Variants in CCDC6 observed in about 807,000 individuals in gnomAD.
CCDC6 encodes coiled-coil domain-containing protein 6.
In CCDC6, 20 loss-of-function variants were observed where a neutral mutation model predicts 56.6. The ratio of observed to expected loss-of-function variants is 0.35; its 90% CI spans 0.25 to 0.51. The LOEUF is 0.51. Among genes scored for constraint, CCDC6 ranks in the 20% least tolerant of loss-of-function variants. CCDC6 has a pLI of 0.95. For synonymous variants in CCDC6, 241 were observed against 234.4 expected, an observed-to-expected ratio of 1.03 and a Z score of -0.26; for missense variants, 367 against 601.1, an observed-to-expected ratio of 0.61 and a Z score of 4.07.
At chr10:59,874,355 A>C (rs1404812262) in intron 1 of CCDC6, among the ~76,000 whole-genome samples, 1 of 152,200 alleles carries the variant, frequency 6.6e-6, no homozygotes, top group African/African-American at 2.4e-5. Flanking sequence ...CATTTTTATC[A>C]AACATATTAA....
chr10:59,817,567 G>A (rs150295161), intron 3 of CCDC6, among the ~76,000 whole-genome samples: 2 of 152,284 alleles, frequency 1.3e-5, no homozygotes, highest in East Asian at 3.9e-4. Flanking sequence ...ATAGGAGGTA[G>A]AGGTAGTTGA....
chr10:59,799,672 A>G (rs2070556272), intron 7 of CCDC6, among the ~76,000 whole-genome samples: 1 of 152,116 alleles, frequency 6.6e-6, no homozygotes, highest in East Asian at 1.9e-4. Context: ...CTAGCCTGAG[A>G]ATGTCTTCTC....
chr10:59,893,855 T>C (rs1456800930), intron 1 of CCDC6, among the ~76,000 whole-genome samples: 2 of 152,164 alleles, frequency 1.3e-5, no homozygotes, highest in East Asian at 1.9e-4. Context: ...GGTCTTTACA[T>C]GGCAGTCACC....
In CCDC6 at chr10:59,854,221, G is replaced by T. The variant is rs989451928; in HGVS notation, c.304-1519C>A. Among the ~76,000 whole-genome samples the T allele has an allele frequency of 2.0e-5, 3 of 152,152 alleles. No individual in the cohort carries two copies. In the East Asian group the frequency reaches 5.8e-4, roughly 30 times the overall value. ...AATCAATCCCAACTCTGGCAGTTTC[G>T]ATTTCTGTATATACTCACCAGCTTC... is the stretch of plus-strand genomic sequence containing the variant. On this transcript the variant is annotated intron_variant, in intron 1 of 8. Transcript: ENST00000263102.
At chr10:59,819,269 T>C (rs1351885919) in intron 3 of CCDC6, among the ~76,000 whole-genome samples, 1 of 152,244 alleles carries the variant, frequency 6.6e-6, no homozygotes, top group Admixed American at 6.5e-5. Flanking sequence ...GAGGACTTAC[T>C]GTATTTCATT....
chr10:59,820,924 C>G (rs763145172), intron 3 of CCDC6, among the ~76,000 whole-genome samples: 2 of 148,446 alleles, frequency 1.3e-5, no homozygotes, highest in Non-Finnish European at 3.0e-5. Context: ...GGATTTAACA[C>G]AACAACTTCC....
At chr10:59,891,716 A>C (rs981329426) in intron 1 of CCDC6, among the ~76,000 whole-genome samples, 1 of 152,198 alleles carries the variant, frequency 6.6e-6, no homozygotes, top group African/African-American at 2.4e-5. Context: ...AGGCCCCACA[A>C]CTCTGATGGA....
Position 59,807,026 on chromosome 10 carries a change from C to G in CCDC6, c.900G>C (p.Glu300Asp). ...YLEEERHMREENLRLQRKLQR... is the reference protein window; with the variant it reads ...YLEEERHMREDNLRLQRKLQR... ...GCAGCTTCCTCTGGAGCCTCAAGTT[C>G]TCTTCTCTCATGTGACGTTCCTCCT... is the stretch of plus-strand genomic sequence containing the variant. Residue 300 changes from glutamate (E) to aspartate (D), a missense_variant, in exon 6 of 9, where the codon GAG (glutamate) becomes GAC (aspartate). Transcript: ENST00000263102. 6.2e-7 allele frequency: 1 copy of G among 1,614,080 alleles called. No homozygotes were observed. Among genetic ancestry groups the G allele is most frequent in the Non-Finnish European group, 8.5e-7 (1 of 1,179,962 alleles).
At chr10:59,893,658 ACATACAT>A (rs768882155) in intron 1 of CCDC6, among the ~76,000 whole-genome samples, 1 of 140,602 alleles carries the variant, frequency 7.1e-6, no homozygotes, top group Non-Finnish European at 1.6e-5. Context: ...ATACATACAT[ACATACAT>A]ACAATGAGCA....
At chr10:59,888,957 G>A (rs2071402248) in intron 1 of CCDC6, among the ~76,000 whole-genome samples, 1 of 152,000 alleles carries the variant, frequency 6.6e-6, no homozygotes, top group South Asian at 2.1e-4. Context: ...AGGGCCACGA[G>A]ATAAGGCCTC....
At chr10:59,798,227 T>C (rs1008923924) in intron 7 of CCDC6, among the ~76,000 whole-genome samples, 1 of 152,214 alleles carries the variant, frequency 6.6e-6, no homozygotes, top group Non-Finnish European at 1.5e-5. Flanking sequence ...ACTCTGAACA[T>C]ACTATCAGCT....
At chr10:59,894,826 G>T (rs970586729) in intron 1 of CCDC6, among the ~76,000 whole-genome samples, 9 of 152,118 alleles carry the variant, frequency 5.9e-5, no homozygotes, top group Non-Finnish European at 1.3e-4. Context: ...TCCCCCATGC[G>T]ATGAAGGAAC....
intron 1 of CCDC6, among the ~76,000 whole-genome samples, chr10:59,869,296 C>G (rs1013040682): frequency 1.4e-5 from 2 of 143,600 alleles, no homozygotes; most frequent in South Asian, 4.5e-4. Context: ...ACCACCTGGA[C>G]AGCATATAGG....
intron 1 of CCDC6, among the ~76,000 whole-genome samples, chr10:59,905,329 T>C (rs1328223029): frequency 1.3e-5 from 2 of 152,100 alleles, no homozygotes; most frequent in East Asian, 1.9e-4. Flanking sequence ...TGTTCTCCAG[T>C]ATCTAGACTC....
intron 1 of CCDC6, among the ~76,000 whole-genome samples, chr10:59,890,896 G>A (rs938510851): frequency 4.0e-5 from 6 of 151,342 alleles, no homozygotes; most frequent in Non-Finnish European, 5.9e-5. Flanking sequence ...CCAACCCCAC[G>A]ACAGGCCCCG....
chr10:59,864,521 T>C (rs541621053), intron 1 of CCDC6, among the ~76,000 whole-genome samples: 1 of 152,340 alleles, frequency 6.6e-6, no homozygotes, highest in Admixed American at 6.5e-5. Flanking sequence ...ATGATTGTTC[T>C]GCGGGGTGTA....
chr10:59,853,735 AT>A (rs1775719186), intron 1 of CCDC6, among the ~76,000 whole-genome samples: 1 of 152,074 alleles, frequency 6.6e-6, no homozygotes, highest in South Asian at 2.1e-4. Context: ...CCTATTGGGA[AT>A]TTTTTGGAGA....
intron 1 of CCDC6, among the ~76,000 whole-genome samples, chr10:59,885,214 C>A (rs1333835064): frequency 6.6e-6 from 1 of 152,038 alleles, no homozygotes; most frequent in African/African-American, 2.4e-5. Context: ...TACAATACTT[C>A]CATCTTCATT....
intron 2 of CCDC6, among the ~76,000 whole-genome samples, chr10:59,851,943 G>T (rs1344454092): frequency 6.6e-6 from 1 of 151,966 alleles, no homozygotes; most frequent in African/African-American, 2.4e-5. Flanking sequence ...AAAGGAGGGG[G>T]AGAGAATGAG....
Sources: allele counts gnomAD v4.1 joint callset (sites outside exome capture counted in the v4.1 genomes callset), GRCh38; gene constraint gnomAD v4.1.1; transcripts MANE v1.5; gene names NCBI Gene and HGNC (gene_info 2026-07-23, HGNC 2026-07-21).